Variants in CYP19A1 observed in about 807,000 individuals in gnomAD.
CYP19A1 encodes aromatase.
Under a neutral mutation model 44.4 loss-of-function variants are expected in CYP19A1, and 32 were observed. The ratio of observed to expected loss-of-function variants is 0.72; its 90% CI spans 0.54 to 0.97. The LOEUF is 0.97. Among genes scored for constraint, CYP19A1 ranks in the 50% least tolerant of loss-of-function variants. CYP19A1 has a pLI of 0.00. For synonymous variants in CYP19A1, 212 were observed against 215.6 expected (o/e 0.98, Z 0.14); for missense variants, 598 against 637.8 (o/e 0.94, Z 0.67).
rs115739318 is a variant in CYP19A1 at position 51,249,138 on chromosome 15, A to C, written c.-38-6188T>G. Among the ~76,000 whole-genome samples the C allele has an allele frequency of 8.1e-3, 1,233 of 152,106 alleles. 13 individuals are homozygous for C. The highest frequency in any genetic ancestry group is 0.028 in the African/African-American group (1,151 of 41,484). On this transcript the variant is annotated intron_variant, in intron 1 of 9. Coordinates refer to ENST00000396402, the MANE Select transcript of CYP19A1 (RefSeq NM_000103.4). ...TATTTTTAGTAGAGACAGAGTTATC[A>C]TCATGTTGGCCAAGCTGGTCTCGAA...
chr15:51,257,850 G>C (rs570562113), intron 1 of CYP19A1, among the ~76,000 whole-genome samples: 2 of 152,232 alleles, frequency 1.3e-5, no homozygotes, highest in South Asian at 4.1e-4. Context: ...ATCACAATGG[G>C]CATTTTGTGT....
At chr15:51,320,325 C>G (rs2036505442) in intron 1 of CYP19A1, 1 of 152,368 alleles carries the variant, frequency 6.6e-6, no homozygotes, top group Non-Finnish European at 1.5e-5. Flanking sequence ...AGGATGTTTG[C>G]CAAGTTCCAG....
chr15:51,329,557 A>G (rs1177316623), intron 1 of CYP19A1, among the ~76,000 whole-genome samples: 2 of 152,244 alleles, frequency 1.3e-5, no homozygotes, highest in African/African-American at 2.4e-5. Flanking sequence ...GTAAACATGT[A>G]TAGAGAACTC....
intron 1 of CYP19A1, among the ~76,000 whole-genome samples, chr15:51,329,931 G>T (rs7174997): frequency 0.14 from 21,110 of 152,186 alleles, 1,817 homozygotes; most frequent in Middle Eastern, 0.26. Context: ...TACAGTGGGA[G>T]CACACAGTCG....
intron 1 of CYP19A1, among the ~76,000 whole-genome samples, chr15:51,325,890 A>G (rs1289933923): frequency 2.6e-5 from 4 of 151,912 alleles, no homozygotes; most frequent in Non-Finnish European, 4.4e-5. Context: ...CTAACCTACC[A>G]AATATCATAG....
At chr15:51,293,184 C>T (rs568969225) in intron 1 of CYP19A1, among the ~76,000 whole-genome samples, 3 of 151,904 alleles carry the variant, frequency 2.0e-5, no homozygotes, top group East Asian at 3.9e-4. Context: ...GTGATAGGTG[C>T]GCCAAAATAT....
intron 1 of CYP19A1, among the ~76,000 whole-genome samples, chr15:51,243,742 C>G (rs2033919075): frequency 6.6e-6 from 1 of 152,238 alleles, no homozygotes; most frequent in African/African-American, 2.4e-5. Context: ...AGGTGCCACT[C>G]AGGAACCTCA....
chr15:51,277,570 T>G (rs1439692987), intron 1 of CYP19A1, among the ~76,000 whole-genome samples: 3 of 152,260 alleles, frequency 2.0e-5, no homozygotes, highest in Admixed American at 6.5e-5. Flanking sequence ...AAAGTAAAAT[T>G]ATTTTGCTAC....
At chr15:51,217,290 T>C (rs970825390) in intron 6 of CYP19A1, among the ~76,000 whole-genome samples, 1 of 152,220 alleles carries the variant, frequency 6.6e-6, no homozygotes, top group Non-Finnish European at 1.5e-5. Flanking sequence ...TACAGACTCA[T>C]ACAATAAATT....
At chr15:51,324,298 A>C (rs2036574941) in intron 1 of CYP19A1, among the ~76,000 whole-genome samples, 2 of 152,266 alleles carry the variant, frequency 1.3e-5, no homozygotes, top group African/African-American at 4.8e-5. Context: ...ACTTCTTGGG[A>C]ATTATTCTAG....
chr15:51,275,203 T>C (rs1020724128), intron 1 of CYP19A1, among the ~76,000 whole-genome samples: 12 of 152,346 alleles, frequency 7.9e-5, no homozygotes, highest in African/African-American at 2.9e-4. Context: ...ATGTGCATCA[T>C]GGCAAGAAAT....
chr15:51,262,050 C>A (rs1017338219), intron 1 of CYP19A1, among the ~76,000 whole-genome samples: 17 of 152,166 alleles, frequency 1.1e-4, no homozygotes, highest in African/African-American at 4.1e-4. Flanking sequence ...GGCCATAATG[C>A]CCATGCTGAA....
intron 1 of CYP19A1, among the ~76,000 whole-genome samples, chr15:51,298,007 G>C (rs2036036164): frequency 6.6e-6 from 1 of 152,124 alleles, no homozygotes; most frequent in Non-Finnish European, 1.5e-5. Flanking sequence ...AGAAGACGTT[G>C]GAGCTGGGTG....
At chr15:51,245,329 T>C (rs1265805044) in intron 1 of CYP19A1, among the ~76,000 whole-genome samples, 1 of 152,162 alleles carries the variant, frequency 6.6e-6, no homozygotes, top group Non-Finnish European at 1.5e-5. Flanking sequence ...GAATATATTT[T>C]ATTTTAGTTT....
intron 1 of CYP19A1, among the ~76,000 whole-genome samples, chr15:51,300,384 G>A (rs551644414): frequency 6.6e-6 from 1 of 152,244 alleles, no homozygotes; most frequent in East Asian, 1.9e-4. Context: ...TCTCAGTGAG[G>A]AATAAGACTC....
At chr15:51,289,378 T>G (rs1488486730) in intron 1 of CYP19A1, among the ~76,000 whole-genome samples, 2 of 152,212 alleles carry the variant, frequency 1.3e-5, no homozygotes, top group Non-Finnish European at 2.9e-5. Flanking sequence ...TGCACAATTC[T>G]GGGCATGGAG....
At chr15:51,328,504 G>C (rs955747440) in intron 1 of CYP19A1, among the ~76,000 whole-genome samples, 2 of 152,050 alleles carry the variant, frequency 1.3e-5, no homozygotes, top group African/African-American at 4.8e-5. Flanking sequence ...TAGCTCTAAT[G>C]GGTGGAACCA....
At chr15:51,257,570 G>A (rs1298968443) in intron 1 of CYP19A1, among the ~76,000 whole-genome samples, 1 of 152,224 alleles carries the variant, frequency 6.6e-6, no homozygotes, top group African/African-American at 2.4e-5. Context: ...GCCAAGAGGA[G>A]CTTTGCCTCC....
chr15:51,214,028 C>G (rs550836125), intron 8 of CYP19A1, among the ~76,000 whole-genome samples: 2 of 152,310 alleles, frequency 1.3e-5, no homozygotes, highest in South Asian at 2.1e-4. Context: ...TCCCTTCTCT[C>G]CCATATTTAA....
Sources: gnomAD v4.1 joint callset for allele counts (sites outside exome capture counted in the v4.1 genomes callset) on GRCh38, gnomAD v4.1.1 for gene constraint, MANE v1.5 for transcripts, NCBI Gene and HGNC (gene_info 2026-07-23, HGNC 2026-07-21) for gene names.